The following OXR1 variants were observed in gnomAD, a reference collection of about 807,000 sequenced individuals.
OXR1 encodes the protein oxidation resistance protein 1.
OXR1 carries 41 observed loss-of-function variants against 104.6 expected under a neutral mutation model. The ratio of observed to expected loss-of-function variants is 0.39; its 90% confidence interval spans 0.31 to 0.51. The LOEUF is 0.51. Ranked by LOEUF, OXR1 falls within the 20% of genes least tolerant of loss-of-function variation. OXR1 has a pLI of 0.77. For missense variants in OXR1, 955 were observed against 1,031.9 expected, an observed-to-expected ratio of 0.93 and a Z score of 1.02; for synonymous variants, 348 against 348.4, an observed-to-expected ratio of 1.00 and a Z score of 0.01.
chr8:106,563,386 A>T (rs1452383169), intron 3 of OXR1, among the ~76,000 whole-genome samples: 1 of 152,132 alleles, frequency 6.6e-6, no homozygotes, highest in Non-Finnish European at 1.5e-5. Flanking sequence ...ATCCAAGAAG[A>T]CAAAGAAGGA....
chr8:106,445,718 T>C (rs1379686969), intron 2 of OXR1, among the ~76,000 whole-genome samples: 1 of 152,212 alleles, frequency 6.6e-6, no homozygotes, highest in Non-Finnish European at 1.5e-5. Context: ...TGAAAGGACA[T>C]TCATACTAAT....
intron 1 of OXR1, among the ~76,000 whole-genome samples, chr8:106,294,708 C>T (rs1210993569): frequency 1.3e-5 from 2 of 152,098 alleles, no homozygotes; most frequent in African/African-American, 4.8e-5. Flanking sequence ...GAAGGATCTG[C>T]CTCCATGATC....
At chr8:106,558,213 A>T (rs1816426185) in intron 3 of OXR1, among the ~76,000 whole-genome samples, 1 of 152,210 alleles carries the variant, frequency 6.6e-6, no homozygotes, top group Non-Finnish European at 1.5e-5. Flanking sequence ...TTCCCTCTTG[A>T]AGAGGCTACT....
chr8:106,706,037 A>G (rs889356133), intron 8 of OXR1, among the ~76,000 whole-genome samples: 4 of 152,148 alleles, frequency 2.6e-5, no homozygotes, highest in African/African-American at 9.6e-5. Context: ...ATATTCCATC[A>G]GTGAGTAAAT....
At chr8:106,319,628 A>C (rs1814127748) in intron 1 of OXR1, among the ~76,000 whole-genome samples, 1 of 152,174 alleles carries the variant, frequency 6.6e-6, no homozygotes, top group Non-Finnish European at 1.5e-5. Flanking sequence ...CAATGAGGAA[A>C]CTTATCTTCC....
At chr8:106,491,545 T>C (rs551953757) in intron 2 of OXR1, among the ~76,000 whole-genome samples, 1 of 152,332 alleles carries the variant, frequency 6.6e-6, no homozygotes, top group Non-Finnish European at 1.5e-5. Flanking sequence ...TCCTATATGA[T>C]CTGTGGCATT....
chr8:106,309,976 C>T (rs1356600414), intron 1 of OXR1, among the ~76,000 whole-genome samples: 12 of 151,602 alleles, frequency 7.9e-5, no homozygotes, highest in African/African-American at 2.9e-4. Context: ...TTCCGGTTTA[C>T]CTCTGTGATT....
intron 3 of OXR1, among the ~76,000 whole-genome samples, chr8:106,650,320 A>G (rs1290397269): frequency 6.6e-6 from 1 of 152,228 alleles, no homozygotes; most frequent in African/African-American, 2.4e-5. Context: ...CGCTGCTAGT[A>G]AGTGGCAAAG....
At chr8:106,555,639 A>T (rs1816207181) in intron 3 of OXR1, among the ~76,000 whole-genome samples, 1 of 152,108 alleles carries the variant, frequency 6.6e-6, no homozygotes, top group Non-Finnish European at 1.5e-5. Flanking sequence ...TGTGCTCATT[A>T]CTAAAGACAG....
intron 3 of OXR1, among the ~76,000 whole-genome samples, chr8:106,666,251 T>C (rs1330547376): frequency 6.6e-6 from 1 of 152,214 alleles, no homozygotes; most frequent in Admixed American, 6.5e-5. Context: ...TGGATTTTTT[T>C]GAGAGTACTA....
At chr8:106,453,085 C>T (rs1415508122) in intron 2 of OXR1, among the ~76,000 whole-genome samples, 1 of 152,156 alleles carries the variant, frequency 6.6e-6, no homozygotes, top group Non-Finnish European at 1.5e-5. Flanking sequence ...GAAGAATGTA[C>T]AATGACTTCC....
intron 2 of OXR1, among the ~76,000 whole-genome samples, chr8:106,489,453 T>C (rs567783461): frequency 1.3e-5 from 2 of 152,290 alleles, no homozygotes; most frequent in South Asian, 4.1e-4. Flanking sequence ...AGATTTCCTT[T>C]AATAACTATG....
chr8:106,699,879 CAAT>C (rs1158304491), intron 7 of OXR1, among the ~76,000 whole-genome samples: 1 of 151,466 alleles, frequency 6.6e-6, no homozygotes, highest in Non-Finnish European at 1.5e-5. Context: ...AACTTATTAA[CAAT>C]AACTATAATG....
intron 2 of OXR1, among the ~76,000 whole-genome samples, chr8:106,419,787 T>G (rs1818830228): frequency 6.6e-6 from 1 of 152,194 alleles, no homozygotes; most frequent in African/African-American, 2.4e-5. Flanking sequence ...CTGACAGTTT[T>G]ATTTTATTTT....
intron 4 of OXR1, among the ~76,000 whole-genome samples, chr8:106,681,747 A>G (rs1330723614): frequency 2.0e-5 from 3 of 151,534 alleles, no homozygotes; most frequent in African/African-American, 4.9e-5. Flanking sequence ...CTGGTCTTGG[A>G]CTCCTGGGCT....
intron 10 of OXR1, among the ~76,000 whole-genome samples, 176 bp downstream of exon 10, chr8:106,710,966 G>A (rs1831625440): frequency 6.6e-6 from 1 of 151,984 alleles, no homozygotes; most frequent in Non-Finnish European, 1.5e-5. Flanking sequence ...ATTTTTAATT[G>A]CATTCCCTTT....
chr8:106,617,946 C>A, intron 3 of OXR1: 2 of 892,016 alleles, frequency 2.2e-6, no homozygotes, highest in Non-Finnish European at 2.7e-6. Context: ...AGTCCACAGT[C>A]ACAGGGCAGG....
At chr8:106,606,641 C>T (rs527858982) in intron 3 of OXR1, among the ~76,000 whole-genome samples, 2 of 151,988 alleles carry the variant, frequency 1.3e-5, no homozygotes, top group South Asian at 4.2e-4. Flanking sequence ...CATATGATAG[C>T]TCTTGCTTCC....
chr8:106,315,814 A>G (rs1381387594), intron 1 of OXR1, among the ~76,000 whole-genome samples: 1 of 152,228 alleles, frequency 6.6e-6, no homozygotes, highest in Non-Finnish European at 1.5e-5. Flanking sequence ...ACTTACACTT[A>G]ACACAAGTCC....
Sources: allele counts gnomAD v4.1 joint callset (sites outside exome capture counted in the v4.1 genomes callset), GRCh38; gene constraint gnomAD v4.1.1; transcripts MANE v1.5; gene names NCBI Gene and HGNC (gene_info 2026-07-23, HGNC 2026-07-21).